Variants in PCDHGA2 observed in about 807,000 individuals in gnomAD.
The protein encoded by PCDHGA2 is protocadherin gamma subfamily A, 2, also known as protocadherin gamma-A2.
Under a neutral mutation model 59.2 loss-of-function variants are expected in PCDHGA2, and 40 were observed. That is an observed-to-expected ratio of 0.68 (90% CI 0.52 to 0.88). The LOEUF (loss-of-function observed/expected upper bound fraction) is 0.88. Among genes scored for constraint, PCDHGA2 ranks in the 40% least tolerant of loss-of-function variants. The pLI is 0.00. For synonymous variants in PCDHGA2, 560 were observed against 526.0 expected (o/e 1.06, Z -0.89); for missense variants, 1,226 against 1,204.0 (o/e 1.02, Z -0.27).
intron 1 of PCDHGA2, chr5:141,428,329 A>G (rs928788851): frequency 4.8e-6 from 3 of 627,180 alleles, no homozygotes; most frequent in South Asian, 3.5e-5. Context: ...CTTGATTTCT[A>G]TGCTCTTCTT....
intron 1 of PCDHGA2, chr5:141,364,734 A>T: frequency 6.2e-7 from 1 of 1,613,934 alleles, no homozygotes; most frequent in Non-Finnish European, 8.5e-7. Flanking sequence ...CGTTTCCGGG[A>T]TGAAGAGTTA....
chr5:141,488,548 T>C (rs112676623), intron 1 of PCDHGA2, among the ~76,000 whole-genome samples: 2 of 152,318 alleles, frequency 1.3e-5, no homozygotes, highest in African/African-American at 4.8e-5. Flanking sequence ...CCATGTCAGC[T>C]GACATTGAGA....
rs369964221 is a variant in PCDHGA2 at position 141,366,213 on chromosome 5, C to G, written c.2424+24818C>G. On this transcript the variant is annotated intron_variant, in intron 1 of 3. Coordinates refer to ENST00000394576, the MANE Select transcript of PCDHGA2 (RefSeq NM_018915.4). ...GGGCTGCACACGGGCGAGGTGCGCA[C>G]AGCGCGAGCCCTGCTGGACAGAGAC... 2.5e-6 allele frequency: 4 copies of G among 1,613,692 alleles called. No individual in the cohort carries two copies. The African/African-American group carries it at 4.0e-5, about 16-fold the overall frequency.
intron 1 of PCDHGA2, among the ~76,000 whole-genome samples, chr5:141,380,946 CAAG>C (rs1776880026): frequency 6.6e-6 from 1 of 152,210 alleles, no homozygotes; most frequent in African/African-American, 2.4e-5. Flanking sequence ...CTTGCCTCAA[CAAG>C]AAGTTCAAAA....
chr5:141,351,952 G>A (rs1205013199), intron 1 of PCDHGA2: 1 of 1,613,070 alleles, frequency 6.2e-7, no homozygotes, highest in African/African-American at 1.3e-5. Flanking sequence ...CCGCGCTGGG[G>A]CCTGATGGCT....
chr5:141,502,866 CTTTT>C (rs549047197), intron 2 of PCDHGA2, among the ~76,000 whole-genome samples: 1 of 128,042 alleles, frequency 7.8e-6, no homozygotes. Context: ...GACTCTCTGT[CTTTT>C]TTTTTTTTTT....
intron 1 of PCDHGA2, chr5:141,399,557 T>TG: frequency 1.2e-6 from 2 of 1,613,968 alleles, no homozygotes; most frequent in Non-Finnish European, 1.7e-6. Context: ...GACCTGGACT[T>TG]GGGGTTGAAC....
At chr5:141,357,323 T>C (rs766165859) in intron 1 of PCDHGA2, 2 of 1,614,108 alleles carry the variant, frequency 1.2e-6, no homozygotes, top group Admixed American at 3.3e-5. Flanking sequence ...CTGGCTTTTG[T>C]CACGGTGCTG....
At position 141,424,003 on chromosome 5, in the gene PCDHGA2, T is replaced by C. The variant is rs150506228; in HGVS notation, c.2425-70804T>C. 5.3e-3 allele frequency: 5,614 copies of C among 1,067,752 alleles called. 27 individuals carry two copies. The highest frequency in any genetic ancestry group is 0.01 in the Admixed American group (195 of 19,092). 66.1% of individuals were successfully genotyped at this position (1,067,752 alleles called of 1,614,324 possible). A position where few individuals can be genotyped will look rare whatever the true frequency, so the allele number is the denominator to read the frequency against. ...AGGCTCTCAATTTATTATATATAGA[T>C]ACAAATTAATGATTCACAAACACTT... On this transcript the variant is annotated intron_variant, in intron 1 of 3. Transcript: ENST00000394576.
At position 141,432,880 on chromosome 5, in the gene PCDHGA2, C is replaced by A. The variant is rs865848752; in HGVS notation, c.2425-61927C>A. 3 of 1,614,194 alleles carry A rather than the reference C, an allele frequency of 1.9e-6. No homozygotes were observed. The highest frequency in any genetic ancestry group is 2.5e-6 in the Non-Finnish European group (3 of 1,180,008). ...CGGTCTCCTGCGTCTTCCTGGCCTT[C>A]GTCATCTTGCTGCTGGCGCTCAGGC... On this transcript the variant is annotated intron_variant, in intron 1 of 3. Coordinates refer to ENST00000394576, the MANE Select transcript of PCDHGA2 (RefSeq NM_018915.4). The surrounding 1 kb of genome is among the most constrained non-coding windows in gnomAD (Gnocchi z 6.0).
At chr5:141,412,948 G>A in intron 1 of PCDHGA2, 1 of 468,334 alleles carries the variant, frequency 2.1e-6, no homozygotes, top group Non-Finnish European at 3.7e-6. Context: ...TCTGAGCGCC[G>A]CTGTTCACCT....
intron 1 of PCDHGA2, among the ~76,000 whole-genome samples, chr5:141,467,414 C>A (rs1410743140): frequency 6.6e-5 from 10 of 152,168 alleles, no homozygotes; most frequent in African/African-American, 1.2e-4. Flanking sequence ...CCTTTCCCCA[C>A]ACCTAGGTTA....
intron 1 of PCDHGA2, chr5:141,403,573 C>G: frequency 6.2e-7 from 1 of 1,613,946 alleles, no homozygotes; most frequent in South Asian, 1.1e-5. Context: ...AGGCAACTGC[C>G]CACCACCTGG....
chr5:141,355,302 G>A, intron 1 of PCDHGA2: 7 of 1,613,916 alleles, frequency 4.3e-6, no homozygotes, highest in Non-Finnish European at 5.9e-6. Flanking sequence ...TTCTCTACTC[G>A]GTGTTTGAGG....
chr5:141,457,466 A>C (rs1404739941), intron 1 of PCDHGA2, among the ~76,000 whole-genome samples: 1 of 152,356 alleles, frequency 6.6e-6, no homozygotes, highest in East Asian at 1.9e-4. Context: ...ATTCACAGGA[A>C]TAAGCAGGGC....
rs1055042563 is a variant in PCDHGA2, at chr5:141,512,805, C to G, written c.*1632C>G. On this transcript the variant is annotated 3_prime_UTR_variant, in exon 4 of 4. Coordinates refer to ENST00000394576, the MANE Select transcript of PCDHGA2 (RefSeq NM_018915.4). ...TGTTGTGTTTTGTGCTGTGTCCACG[C>G]GCTAAGGCGACCCCCTCCCCCGTAC... 3.0e-4 allele frequency: 46 copies of G among 152,378 alleles called. No individual in the cohort carries two copies. Among genetic ancestry groups the G allele is most frequent in the African/African-American group, 9.9e-4 (41 of 41,570 alleles). The allele number at this position is 152,378 out of a possible 1,614,324, so 9.4% of individuals were successfully genotyped here.
At chr5:141,448,707 G>A (rs1455790773) in intron 1 of PCDHGA2, among the ~76,000 whole-genome samples, 4 of 152,228 alleles carry the variant, frequency 2.6e-5, no homozygotes, top group South Asian at 2.1e-4. Flanking sequence ...TTGGGAGGCC[G>A]AGGCGGGAGG....
At chr5:141,363,976 A>G (rs1416527088) in intron 1 of PCDHGA2, among the ~76,000 whole-genome samples, 1 of 152,278 alleles carries the variant, frequency 6.6e-6, no homozygotes, top group Non-Finnish European at 1.5e-5. Context: ...CTTGCTATTC[A>G]GAATTAAAGC....
In PCDHGA2 at chr5:141,414,653, A is replaced by G. The variant is rs2095771118; in HGVS notation, c.2424+73258A>G. ...AGCAAAGAGAATGCCCAGATTATTT[A>G]CTCCCTGGCTGAAGACACCATCCAG... On this transcript the variant is annotated intron_variant, in intron 1 of 3. Coordinates refer to ENST00000394576, the MANE Select transcript of PCDHGA2 (RefSeq NM_018915.4). 6.2e-7 allele frequency: 1 copy of G among 1,613,644 alleles called. No homozygotes were observed.
Sources: allele counts gnomAD v4.1 joint callset (sites outside exome capture counted in the v4.1 genomes callset), GRCh38; gene constraint gnomAD v4.1.1; non-coding constraint Gnocchi (gnomAD v3.1); transcripts MANE v1.5; gene names NCBI Gene and HGNC (gene_info 2026-07-23, HGNC 2026-07-21).